Variants in RALYL observed in about 807,000 individuals in gnomAD.
RALYL encodes RNA-binding Raly-like protein.
Under a neutral mutation model 35.1 loss-of-function variants are expected in RALYL, and 29 were observed. That is an observed-to-expected ratio of 0.83 (90% CI 0.61 to 1.13). The LOEUF is 1.13. Among genes scored for constraint, RALYL ranks in the 50% most tolerant of loss-of-function variants. The pLI is 0.00. For missense variants in RALYL, 359 were observed against 360.4 expected, an observed-to-expected ratio of 1.00 and a Z score of 0.03; for synonymous variants, 120 against 127.6, an observed-to-expected ratio of 0.94 and a Z score of 0.40.
Position 84,371,576 on chromosome 8 carries a change from A to AAGAG in RALYL, c.-23-157711_-23-157708dup, listed in dbSNP as rs1389244022. 1.4e-4 allele frequency among the ~76,000 whole-genome samples: 19 copies of AAGAG among 137,230 alleles called. 2 individuals are homozygous for AAGAG. In the South Asian group the frequency reaches 3.2e-3, roughly 23 times the overall value. The allele number at this position is 137,230 out of a possible 152,430, so 90.0% of individuals were successfully genotyped here. A position where few individuals can be genotyped will look rare whatever the true frequency, so the allele number is the denominator to read the frequency against. ...ACACACACACACACACACACACAGA[A>AAGAG]AGAGAGAGAGAGAGAAGGGGGCAGG... On this transcript the variant is annotated intron_variant, in intron 1 of 8. Coordinates refer to ENST00000521268, the MANE Select transcript of RALYL (RefSeq NM_173848.7).
At chr8:84,714,292 C>T (rs1842632779) in intron 2 of RALYL, among the ~76,000 whole-genome samples, 1 of 151,758 alleles carries the variant, frequency 6.6e-6, no homozygotes, top group Admixed American at 6.6e-5. Context: ...TCAACAGATA[C>T]AAAATTTTAG....
chr8:84,876,975 T>G (rs1017639579), intron 7 of RALYL, among the ~76,000 whole-genome samples: 1 of 152,244 alleles, frequency 6.6e-6, no homozygotes, highest in African/African-American at 2.4e-5. Flanking sequence ...ACACATGGCA[T>G]GCACTTTTCA....
At chr8:84,543,690 G>A (rs545252793) in intron 2 of RALYL, among the ~76,000 whole-genome samples, 2 of 151,966 alleles carry the variant, frequency 1.3e-5, no homozygotes, top group South Asian at 4.2e-4. Flanking sequence ...TATTTATGTT[G>A]GTTTCTGGGT....
intron 1 of RALYL, among the ~76,000 whole-genome samples, chr8:84,390,120 T>A (rs972461508): frequency 6.6e-6 from 1 of 152,148 alleles, no homozygotes; most frequent in Non-Finnish European, 1.5e-5. Flanking sequence ...TTGTCTTTGG[T>A]TCTGTTTATA....
At chr8:84,219,552 C>G (rs1239492617) in intron 1 of RALYL, among the ~76,000 whole-genome samples, 1 of 151,538 alleles carries the variant, frequency 6.6e-6, no homozygotes, top group African/African-American at 2.4e-5. Flanking sequence ...CTTTTTCACT[C>G]ACACTTCGTA....
At chr8:84,661,636 A>T (rs556426650) in intron 2 of RALYL, among the ~76,000 whole-genome samples, 82 of 145,772 alleles carry the variant, frequency 5.6e-4, no homozygotes, top group African/African-American at 2.0e-3. Flanking sequence ...TATTTTATTT[A>T]TTTTTTTTAT....
intron 2 of RALYL, among the ~76,000 whole-genome samples, chr8:84,678,053 T>C (rs1164028746): frequency 2.0e-5 from 3 of 151,998 alleles, no homozygotes; most frequent in Non-Finnish European, 4.4e-5. Flanking sequence ...TACCAACCAA[T>C]TGAAAAAAAA....
Position 84,841,087 on chromosome 8 carries a change from A to T in RALYL, c.366-8893A>T, listed in dbSNP as rs1403589801. On this transcript the variant is annotated intron_variant, in intron 4 of 8. Transcript: ENST00000521268. Reference sequence around the variant, plus strand: ...ATGAGCAAAATAACCAGCTAACATCATAATGACAGGATCAAATTCACACAT... The same window carrying T: ...ATGAGCAAAATAACCAGCTAACATCTTAATGACAGGATCAAATTCACACAT... 3.3e-5 allele frequency among the ~76,000 whole-genome samples: 5 copies of T among 152,362 alleles called. No homozygotes were observed. In the East Asian group the frequency reaches 9.7e-4, roughly 29 times the overall value.
intron 2 of RALYL, among the ~76,000 whole-genome samples, chr8:84,620,813 G>C (rs951386292): frequency 1.3e-5 from 2 of 152,144 alleles, no homozygotes; most frequent in African/African-American, 4.8e-5. Flanking sequence ...CCTTCTAACA[G>C]ACAGGACCCT....
intron 1 of RALYL, among the ~76,000 whole-genome samples, chr8:84,468,520 G>T (rs1445229062): frequency 6.7e-6 from 1 of 149,778 alleles, no homozygotes; most frequent in South Asian, 2.3e-4. Flanking sequence ...TCTGCTGTTA[G>T]TCTGATGGGC....
intron 3 of RALYL, among the ~76,000 whole-genome samples, chr8:84,786,196 C>T (rs746808906): frequency 1.3e-4 from 20 of 152,134 alleles, no homozygotes; most frequent in Admixed American, 3.3e-4. Context: ...CCACAGTATA[C>T]GTATACCACA....
chr8:84,453,422 A>G (rs965130746), intron 1 of RALYL, among the ~76,000 whole-genome samples: 22 of 151,984 alleles, frequency 1.4e-4, no homozygotes, highest in Admixed American at 2.6e-4. Flanking sequence ...TTATCATGCA[A>G]TTGATTTATT....
intron 5 of RALYL, among the ~76,000 whole-genome samples, chr8:84,855,452 A>G (rs1038566076): frequency 6.6e-6 from 1 of 152,228 alleles, no homozygotes. Context: ...TGATTCATTG[A>G]CCTGTCTATT....
rs866829982 is a variant in RALYL at position 84,618,336 on chromosome 8, C to T, written c.256+88759C>T. On this transcript the variant is annotated intron_variant, in intron 2 of 8. Coordinates refer to ENST00000521268, the MANE Select transcript of RALYL (RefSeq NM_173848.7). ...TTTAGTCTTGGGAGGGTGTATGTGT[C>T]GAGGAATTTATCCATTTCTTCTAGA... 4.6e-3 allele frequency among the ~76,000 whole-genome samples: 699 copies of T among 151,714 alleles called. 19 individuals carry two copies. The highest frequency in any genetic ancestry group is 0.016 in the African/African-American group (668 of 41,094).
intron 2 of RALYL, among the ~76,000 whole-genome samples, chr8:84,704,127 A>T (rs1454442172): frequency 1.3e-5 from 2 of 152,218 alleles, no homozygotes; most frequent in African/African-American, 2.4e-5. Context: ...AAACTTGTTT[A>T]TTAAAATTTA....
chr8:84,225,610 GC>G (rs1823681954), intron 1 of RALYL, among the ~76,000 whole-genome samples: 1 of 152,086 alleles, frequency 6.6e-6, no homozygotes, highest in Non-Finnish European at 1.5e-5. Context: ...TCTTTCCTCA[GC>G]TCTTTTCACT....
In RALYL at chr8:84,258,318, A is replaced by C. The variant is rs537473296; in HGVS notation, c.-24+73894A>C. ...TATATGACAAAATCAGAATTCAGTA[A>C]ATTTTGACTAGAATCAGTGTCAACA... On this transcript the variant is annotated intron_variant, in intron 1 of 8. Coordinates refer to ENST00000521268, the MANE Select transcript of RALYL (RefSeq NM_173848.7). Among the ~76,000 whole-genome samples the C allele has an allele frequency of 6.6e-5, 10 of 152,272 alleles. No individual in the cohort carries two copies. In the East Asian group the frequency reaches 1.9e-3, roughly 29 times the overall value.
chr8:84,555,763 T>C (rs185547053), intron 2 of RALYL, among the ~76,000 whole-genome samples: 1 of 152,206 alleles, frequency 6.6e-6, no homozygotes, highest in Non-Finnish European at 1.5e-5. Flanking sequence ...CCCAAGTATA[T>C]GATAATCATT....
chr8:84,682,164 C>CCAG (rs1835683716), intron 2 of RALYL, among the ~76,000 whole-genome samples: 1 of 152,142 alleles, frequency 6.6e-6, no homozygotes, highest in Non-Finnish European at 1.5e-5. Flanking sequence ...GTGTGTTGAA[C>CCAG]CAGCCTTGCA....
Sources: gnomAD v4.1 joint callset for allele counts (sites outside exome capture counted in the v4.1 genomes callset) on GRCh38, gnomAD v4.1.1 for gene constraint, MANE v1.5 for transcripts, NCBI Gene and HGNC (gene_info 2026-07-23, HGNC 2026-07-21) for gene names.